TMEM170B: variants seen among roughly 807,000 people sequenced by gnomAD.
TMEM170B encodes the protein transmembrane protein 170B.
TMEM170B carries 6 observed loss-of-function variants against 13.0 expected under a neutral mutation model. That is an observed-to-expected ratio of 0.46 (90% CI 0.25 to 0.91). TMEM170B has a LOEUF of 0.91. Among genes scored for constraint, TMEM170B ranks in the 40% least tolerant of loss-of-function variants. The probability of loss-of-function intolerance (pLI) is 0.17; values close to 1 mark genes in which losing one functional copy is unlikely to be tolerated. For synonymous variants in TMEM170B, 61 were observed against 64.9 expected (o/e 0.94, Z 0.29); for missense variants, 138 against 165.2 (o/e 0.84, Z 0.90).
chr6:11,580,418 C>G lies in TMEM170B; in HGVS notation c.*4857C>G, dbSNP rs1202867234. The G allele has an allele frequency of 2.0e-5, 3 of 152,186 alleles. No homozygotes were observed. The highest frequency in any genetic ancestry group is 2.9e-5 in the Non-Finnish European group (2 of 68,034). The allele number at this position is 152,186 out of a possible 1,614,324, so 9.4% of individuals were successfully genotyped here. On this transcript the variant is annotated 3_prime_UTR_variant, in exon 3 of 3. Coordinates refer to ENST00000379426, the MANE Select transcript of TMEM170B (RefSeq NM_001100829.3). Reference sequence around the variant, plus strand: ...TTTCTGAAATATTCTCAAACCACTTCACTCTTGACACTACAGATTTTTCTC... The same window carrying G: ...TTTCTGAAATATTCTCAAACCACTTGACTCTTGACACTACAGATTTTTCTC...
chr6:11,540,657 TTG>T (rs914534969), intron 1 of TMEM170B, among the ~76,000 whole-genome samples: 23 of 152,352 alleles, frequency 1.5e-4, no homozygotes, highest in African/African-American at 5.3e-4. Flanking sequence ...AAGTTGATAT[TTG>T]GACCTCTTCT....
At chr6:11,551,835 G>C (rs991494978) in intron 1 of TMEM170B, among the ~76,000 whole-genome samples, 1 of 152,166 alleles carries the variant, frequency 6.6e-6, no homozygotes, top group Admixed American at 6.5e-5. Flanking sequence ...TAGAGAGGCA[G>C]GAGAGGTGAA....
chr6:11,562,854 T>TTATA (rs1432860936), intron 1 of TMEM170B, among the ~76,000 whole-genome samples: 1 of 152,166 alleles, frequency 6.6e-6, no homozygotes, highest in Non-Finnish European at 1.5e-5. Context: ...AAAGAAGAAA[T>TTATA]CCATTACCAC....
intron 2 of TMEM170B, among the ~76,000 whole-genome samples, chr6:11,567,025 G>A (rs887214347): frequency 6.6e-6 from 1 of 152,148 alleles, no homozygotes; most frequent in Non-Finnish European, 1.5e-5. Flanking sequence ...GCCTCTCCCT[G>A]GTGCCTGTGA....
At chr6:11,559,597 T>G (rs960870960) in intron 1 of TMEM170B, among the ~76,000 whole-genome samples, 4 of 152,240 alleles carry the variant, frequency 2.6e-5, no homozygotes, top group African/African-American at 9.6e-5. Flanking sequence ...ACCCTTGATC[T>G]GTATAGCACT....
At chr6:11,539,204 G>C (rs1235631762) in intron 1 of TMEM170B, among the ~76,000 whole-genome samples, 1 of 152,100 alleles carries the variant, frequency 6.6e-6, no homozygotes, top group Non-Finnish European at 1.5e-5. Flanking sequence ...TATACTTTGA[G>C]TTCCGAATTT....
At chr6:11,560,988 TGTTTG>T (rs1378036385) in intron 1 of TMEM170B, among the ~76,000 whole-genome samples, 2 of 152,160 alleles carry the variant, frequency 1.3e-5, no homozygotes, top group African/African-American at 4.8e-5. Context: ...TTTCTAGTAT[TGTTTG>T]GAGGCTGGAA....
intron 1 of TMEM170B, among the ~76,000 whole-genome samples, chr6:11,547,691 T>C (rs190987118): frequency 6.6e-5 from 10 of 152,294 alleles, no homozygotes; most frequent in Admixed American, 6.5e-4. Flanking sequence ...GGATTTTTTT[T>C]TGTTTTTACC....
chr6:11,550,174 A>ATT (rs35963481), intron 1 of TMEM170B, among the ~76,000 whole-genome samples: 48 of 139,984 alleles, frequency 3.4e-4, no homozygotes, highest in African/African-American at 6.4e-4. Flanking sequence ...GGCTTATATA[A>ATT]TTTTTTTTTT....
At chr6:11,569,674 A>G (rs749418333) in intron 2 of TMEM170B, among the ~76,000 whole-genome samples, 20 of 152,288 alleles carry the variant, frequency 1.3e-4, no homozygotes, top group African/African-American at 3.8e-4. Flanking sequence ...TCCTCCATAT[A>G]GAGTCTACCT....
chr6:11,563,149 A>T (rs764255008), intron 1 of TMEM170B, among the ~76,000 whole-genome samples: 14 of 152,252 alleles, frequency 9.2e-5, no homozygotes, highest in Non-Finnish European at 2.1e-4. Context: ...CAGCCTGACC[A>T]ACACAGAGAA....
intron 1 of TMEM170B, among the ~76,000 whole-genome samples, chr6:11,553,948 T>C (rs524159): frequency 0.22 from 33,681 of 152,068 alleles, 4,498 homozygotes; most frequent in South Asian, 0.46. Context: ...CTCTCTCTTT[T>C]AATCCCAGTA....
In TMEM170B at chr6:11,575,655, A is replaced by G; in HGVS notation, c.*94A>G. 1 of 1,497,212 alleles carries G rather than the reference A, an allele frequency of 6.7e-7. No individual in the cohort carries two copies. The highest frequency in any genetic ancestry group is 9.2e-7 in the Non-Finnish European group (1 of 1,086,230). The allele number at this position is 1,497,212 out of a possible 1,614,324, so 92.7% of individuals were successfully genotyped here. A position where few individuals can be genotyped will look rare whatever the true frequency, so the allele number is the denominator to read the frequency against. ...TAACAAGTGGAAATGAAATTGTGCA[A>G]GAATGTGGACTGAGCAGGTCAAAGC... On this transcript the variant is annotated 3_prime_UTR_variant, in exon 3 of 3. Transcript: ENST00000379426. This position sits in a 1 kb window ranked among gnomAD's most constrained non-coding sequence, Gnocchi z 4.1.
In TMEM170B at chr6:11,579,220, A is replaced by G. The variant is rs967895805; in HGVS notation, c.*3659A>G. The G allele has an allele frequency of 8.5e-5, 13 of 152,200 alleles. No individual in the cohort carries two copies. Among genetic ancestry groups the G allele is most frequent in the African/African-American group, 2.4e-4 (10 of 41,444 alleles). 9.4% of individuals were successfully genotyped at this position (152,200 alleles called of 1,614,324 possible). ...AGATATCATGGCTGTGACATAGTGAAGAGAATACGAGACTCCAAGCCAGCA... is the reference window on the plus strand; with the variant it reads ...AGATATCATGGCTGTGACATAGTGAGGAGAATACGAGACTCCAAGCCAGCA... On this transcript the variant is annotated 3_prime_UTR_variant, in exon 3 of 3. Coordinates refer to ENST00000379426, the MANE Select transcript of TMEM170B (RefSeq NM_001100829.3).
At chr6:11,553,060 C>T (rs892706698) in intron 1 of TMEM170B, among the ~76,000 whole-genome samples, 8 of 152,058 alleles carry the variant, frequency 5.3e-5, no homozygotes, top group Admixed American at 2.0e-4. Context: ...ATCTTAGTTT[C>T]GGTCTTAGTT....
At chr6:11,548,087 T>A (rs1174502039) in intron 1 of TMEM170B, among the ~76,000 whole-genome samples, 2 of 151,994 alleles carry the variant, frequency 1.3e-5, no homozygotes, top group African/African-American at 4.8e-5. Flanking sequence ...AAATGGGATC[T>A]CTAATTAAAC....
Position 11,579,574 on chromosome 6 carries a change from T to C in TMEM170B, c.*4013T>C, listed in dbSNP as rs190974471. On this transcript the variant is annotated 3_prime_UTR_variant, in exon 3 of 3. Coordinates refer to ENST00000379426, the MANE Select transcript of TMEM170B (RefSeq NM_001100829.3). ...GAAAGAAACTAAAAACGTTTTCTTATAATCTTGCTTCATCTCCTTTTCACT... is the reference window on the plus strand; with the variant it reads ...GAAAGAAACTAAAAACGTTTTCTTACAATCTTGCTTCATCTCCTTTTCACT... 16 of 152,372 alleles carry C rather than the reference T, an allele frequency of 1.1e-4. No homozygotes were observed. The highest frequency in any genetic ancestry group is 2.6e-4 in the African/African-American group (11 of 41,590). 9.4% of individuals were successfully genotyped at this position (152,372 alleles called of 1,614,324 possible).
At chr6:11,544,874 C>T (rs1198604956) in intron 1 of TMEM170B, among the ~76,000 whole-genome samples, 1 of 152,080 alleles carries the variant, frequency 6.6e-6, no homozygotes, top group African/African-American at 2.4e-5. Flanking sequence ...TTCCCAACCC[C>T]AATCTAAAAT....
intron 1 of TMEM170B, among the ~76,000 whole-genome samples, chr6:11,547,403 A>G (rs76610614): frequency 0.011 from 1,598 of 151,672 alleles, 27 homozygotes; most frequent in African/African-American, 0.035. Flanking sequence ...ATAGGAGGTG[A>G]GCTTAAGTAG....
Sources: gnomAD v4.1 joint callset for allele counts (sites outside exome capture counted in the v4.1 genomes callset) on GRCh38, gnomAD v4.1.1 for gene constraint, Gnocchi (gnomAD v3.1) non-coding constraint, MANE v1.5 for transcripts, NCBI Gene and HGNC (gene_info 2026-07-23, HGNC 2026-07-21) for gene names.